The following ERICH1 variants were observed in gnomAD, a reference collection of about 807,000 sequenced individuals.
ERICH1 encodes glutamate-rich protein 1.
In ERICH1, 56 loss-of-function variants were observed where a neutral mutation model predicts 39.6. The observed-to-expected ratio is 1.41, with a 90% CI of 1.14 to 1.77. The LOEUF is 1.77. ERICH1 is among the 40% of genes most tolerant of loss of function. ERICH1 has a pLI of 0.00. For synonymous variants in ERICH1, 313 were observed against 223.6 expected, an observed-to-expected ratio of 1.40 and a Z score of -3.57; for missense variants, 826 against 575.4, an observed-to-expected ratio of 1.44 and a Z score of -4.45.
intron 3 of ERICH1, among the ~76,000 whole-genome samples, chr8:689,919 G>A (rs927526208): frequency 6.6e-6 from 1 of 152,180 alleles, no homozygotes; most frequent in Non-Finnish European, 1.5e-5. Flanking sequence ...GCAGAAGAGC[G>A]TCCTGCCAGA....
chr8:691,764 T>A (rs572689801), intron 3 of ERICH1, among the ~76,000 whole-genome samples: 1 of 152,360 alleles, frequency 6.6e-6, no homozygotes, highest in African/African-American at 2.4e-5. Flanking sequence ...ATTTTGTTGA[T>A]ATTCAAATTA....
At chr8:643,943 T>G (rs1372234419) in intron 3 of ERICH1, among the ~76,000 whole-genome samples, 1 of 152,254 alleles carries the variant, frequency 6.6e-6, no homozygotes, top group East Asian at 1.9e-4. Flanking sequence ...CCCAGCAGGA[T>G]GCAGCCCCCT....
intron 2 of ERICH1, among the ~76,000 whole-genome samples, chr8:707,955 G>C (rs776777786): frequency 2.6e-5 from 4 of 152,060 alleles, no homozygotes; most frequent in African/African-American, 4.8e-5. Flanking sequence ...GCAACAGAAA[G>C]ACAATCCAAT....
chr8:673,463 C>A lies in ERICH1; in HGVS notation c.889G>T (p.Asp297Tyr). ...EEDGKDTREE[D>Y]GADASEEDPT... ...TCTTCCTCGCTGGCGTCCGCACCGT[C>A]CTCCTCCCTGGTGTCTTTACCGTCT... Residue 297 changes from aspartate to tyrosine, a missense_variant, in exon 4 of 6, where the codon GAC becomes TAC. Coordinates refer to ENST00000262109, the MANE Select transcript of ERICH1 (RefSeq NM_207332.3). The A allele has an allele frequency of 1.2e-6, 2 of 1,611,904 alleles. No individual in the cohort carries two copies. Among genetic ancestry groups the A allele is most frequent in the Non-Finnish European group, 1.7e-6 (2 of 1,179,934 alleles).
At chr8:633,742 G>A (rs556125029) in intron 3 of ERICH1, among the ~76,000 whole-genome samples, 3 of 152,230 alleles carry the variant, frequency 2.0e-5, no homozygotes, top group Non-Finnish European at 2.9e-5. Context: ...ACTCAAGGTC[G>A]AATGGGCTTT....
chr8:651,722 G>A (rs564799910), intron 3 of ERICH1, among the ~76,000 whole-genome samples: 2 of 141,568 alleles, frequency 1.4e-5, no homozygotes, highest in African/African-American at 5.3e-5. Flanking sequence ...CGGAGTGGGA[G>A]GGGGGAGAAG....
At chr8:731,015 G>A (rs1185514245) in intron 1 of ERICH1, 125 bp downstream of exon 1, 97 of 1,140,366 alleles carry the variant, frequency 8.5e-5, no homozygotes, top group Non-Finnish European at 1.0e-4. Context: ...TGGAGGTGGG[G>A]AGTCGGTCTG....
At chr8:695,436 G>GC (rs914785218) in intron 2 of ERICH1, among the ~76,000 whole-genome samples, 1 of 152,020 alleles carries the variant, frequency 6.6e-6, no homozygotes, top group African/African-American at 2.4e-5. Flanking sequence ...CGCTCACCTG[G>GC]CAGAGGCCAG....
Position 715,808 on chromosome 8 carries a change from A to C in ERICH1, c.169+53T>G, listed in dbSNP as rs1369431407. ...ACATTCTCCAAGGCAAGTGATGATG[A>C]CGGAGGTTAACTTCAGTTTCTGAGA... is the stretch of plus-strand genomic sequence containing the variant. On this transcript the variant is annotated intron_variant, in intron 2 of 5. Transcript: ENST00000262109. 2.5e-6 allele frequency: 4 copies of C among 1,570,584 alleles called. No homozygotes were observed. The East Asian group carries it at 9.1e-5, about 36-fold the overall frequency.
In ERICH1 at chr8:708,720, G is replaced by T. The variant is rs563034992; in HGVS notation, c.169+7141C>A. Among the ~76,000 whole-genome samples, 42 of 60,486 alleles carry T rather than the reference G, an allele frequency of 6.9e-4. 1 individual carries two copies. In the South Asian group the frequency reaches 0.012, roughly 17 times the overall value. The allele number at this position is 60,486 out of a possible 152,430, so 39.7% of individuals were successfully genotyped here. On this transcript the variant is annotated intron_variant, in intron 2 of 5. Coordinates refer to ENST00000262109, the MANE Select transcript of ERICH1 (RefSeq NM_207332.3). ...TTTTTTTTTTTTTTTTTGAGACAGG[G>T]TCTCACTGCATTGTCTAGGCTGGAG...
chr8:616,232 C>A, intron 3 of ERICH1: 1 of 237,134 alleles, frequency 4.2e-6, no homozygotes, highest in Non-Finnish European at 8.5e-6. Context: ...CCACGAGTTT[C>A]TCTGTGTTCA....
downstream of ERICH1, among the ~76,000 whole-genome samples, chr8:660,662 T>G (rs1413583610): frequency 6.6e-6 from 1 of 152,210 alleles, no homozygotes. Context: ...AAATTAATTT[T>G]TTTTACAATA....
chr8:681,790 TGAGCCTTCGTCA>T (rs1220638360), intron 3 of ERICH1, among the ~76,000 whole-genome samples: 4 of 152,244 alleles, frequency 2.6e-5, no homozygotes, highest in African/African-American at 9.6e-5. Context: ...ACTGCCCGGC[TGAGCCTTCGTCA>T]GGCTCCGGAA....
chr8:674,179 T>G, intron 3 of ERICH1, 132 bp from the exon 4 acceptor site: 4 of 1,056,912 alleles, frequency 3.8e-6, no homozygotes, highest in Non-Finnish European at 4.0e-6. Context: ...ACTTCGGTGA[T>G]TCTCAACTTT....
chr8:634,539 G>A (rs1002734507), intron 3 of ERICH1, among the ~76,000 whole-genome samples: 8 of 152,240 alleles, frequency 5.3e-5, no homozygotes, highest in African/African-American at 1.9e-4. Context: ...GCCCCGTCGG[G>A]CGGGCACCTT....
intron 3 of ERICH1, among the ~76,000 whole-genome samples, chr8:622,956 C>CAATAAATCAATA (rs1554477980): frequency 7.0e-6 from 1 of 143,866 alleles, no homozygotes; most frequent in Admixed American, 7.1e-5. Flanking sequence ...GATCCGCTCT[C>CAATAAATCAATA]AATAAATAAA....
In ERICH1 at chr8:727,990, C is replaced by T. The variant is rs541382606; in HGVS notation, c.22+3150G>A. Among the ~76,000 whole-genome samples the T allele has an allele frequency of 1.6e-4, 25 of 152,296 alleles. No individual in the cohort carries two copies. The South Asian group carries it at 3.5e-3, about 21-fold the overall frequency. On this transcript the variant is annotated intron_variant, in intron 1 of 5. Coordinates refer to ENST00000262109, the MANE Select transcript of ERICH1 (RefSeq NM_207332.3). ...CTCATGCAGGGAGACAGGGAGCGGC[C>T]GGACAGCCTGGCACTCCTCTGACTG...
chr8:624,867 C>A, intron 3 of ERICH1, among the ~76,000 whole-genome samples: 1 of 152,226 alleles, frequency 6.6e-6, no homozygotes, highest in South Asian at 2.1e-4. Context: ...GCTGGGACTA[C>A]AGGTGCCCGC....
At chr8:724,623 C>T (rs981854150) in intron 1 of ERICH1, among the ~76,000 whole-genome samples, 6 of 152,276 alleles carry the variant, frequency 3.9e-5, no homozygotes, top group East Asian at 1.9e-4. Context: ...TTGGGAAGGC[C>T]GTTCAGCAAG....
Sources: allele counts gnomAD v4.1 joint callset (sites outside exome capture counted in the v4.1 genomes callset), GRCh38; gene constraint gnomAD v4.1.1; transcripts MANE v1.5; gene names NCBI Gene and HGNC (gene_info 2026-07-23, HGNC 2026-07-21).